Variants in MBNL3 observed in about 807,000 individuals in gnomAD.
MBNL3 encodes the protein muscleblind-like protein 3.
In MBNL3, 6 loss-of-function variants were observed where a neutral mutation model predicts 24.5. The ratio of observed to expected loss-of-function variants is 0.25; its 90% CI spans 0.13 to 0.48. The LOEUF is 0.48. MBNL3 is among the 20% of genes least tolerant of loss of function. The pLI, the probability that MBNL3 is intolerant of heterozygous loss-of-function variation, is 0.99. For synonymous variants in MBNL3, 100 were observed against 101.7 expected (o/e 0.98, Z 0.10); for missense variants, 230 against 293.5 (o/e 0.78, Z 1.58).
chrX:132,458,322 C>A (rs2148490839), intron 1 of MBNL3, among the ~76,000 whole-genome samples: 1 of 106,150 alleles, frequency 9.4e-6, no homozygotes, highest in Non-Finnish European at 1.9e-5. Flanking sequence ...AAAAAAAAAA[C>A]TTATGTGTAG....
intron 1 of MBNL3, among the ~76,000 whole-genome samples, chrX:132,447,765 T>G (rs996095034): frequency 8.9e-5 from 10 of 112,231 alleles, no homozygotes; most frequent in African/African-American, 3.2e-4. Flanking sequence ...CTGATTGCCC[T>G]GGCCAGAACT....
rs1292864774 is a variant in MBNL3, at chrX:132,372,385, G to GT, written c.*7280dup. 2 of 109,462 alleles carry GT rather than the reference G, an allele frequency of 1.8e-5. No individual in the cohort carries two copies. Among genetic ancestry groups the GT allele is most frequent in the Non-Finnish European group, 3.8e-5 (2 of 52,481 alleles). 9.0% of individuals were successfully genotyped at this position (109,462 alleles called of 1,213,427 possible). A position where few individuals can be genotyped will look rare whatever the true frequency, so the allele number is the denominator to read the frequency against. On this transcript the variant is annotated 3_prime_UTR_variant, in exon 9 of 9. Coordinates refer to ENST00000370853, the MANE Select transcript of MBNL3 (RefSeq NM_001386889.1). ...ATATATTTAGGAAAATCCTTCAAAA[G>GT]TTTTTTAATTTAAATCATTGTAATT...
chrX:132,451,989 T>C (rs776402892), intron 1 of MBNL3, among the ~76,000 whole-genome samples: 2 of 111,349 alleles, frequency 1.8e-5, no homozygotes, highest in South Asian at 7.8e-4. Context: ...TTGCCCTCCA[T>C]GGGCTGCACG....
intron 1 of MBNL3, among the ~76,000 whole-genome samples, chrX:132,443,229 C>G (rs1945482131): frequency 1.8e-5 from 2 of 111,865 alleles, no homozygotes; most frequent in Admixed American, 1.9e-4. Flanking sequence ...ACCCAAAACA[C>G]TGATGACTGA....
At chrX:132,422,127 A>ATATG (rs961758810) in intron 2 of MBNL3, among the ~76,000 whole-genome samples, 70 of 101,970 alleles carry the variant, frequency 6.9e-4, no homozygotes, top group Admixed American at 3.9e-3. Flanking sequence ...TGAATATACT[A>ATATG]TGTGTGTGTG....
chrX:132,475,064 T>C (rs1947366796), intron 1 of MBNL3, among the ~76,000 whole-genome samples: 1 of 112,012 alleles, frequency 8.9e-6, no homozygotes, highest in South Asian at 3.7e-4. Flanking sequence ...TCCTGGCCAC[T>C]CCTAGGGGTG....
chrX:132,413,034 A>C (rs1942942947), intron 2 of MBNL3, among the ~76,000 whole-genome samples: 1 of 112,732 alleles, frequency 8.9e-6, no homozygotes, highest in Admixed American at 9.3e-5. Context: ...TACTCTAAGA[A>C]ATAAAACACA....
intron 8 of MBNL3, among the ~76,000 whole-genome samples, chrX:132,380,822 A>C (rs1934781340): frequency 9.1e-6 from 1 of 110,234 alleles, no homozygotes; most frequent in African/African-American, 3.3e-5. Flanking sequence ...CAAAGAGGAG[A>C]TTGAGGGTGA....
chrX:132,381,316 T>G lies in MBNL3; in HGVS notation c.1053+862A>C, dbSNP rs937831833. 6.5e-5 allele frequency: 51 copies of G among 788,255 alleles called. 1 individual carries two copies. The African/African-American group carries it at 9.5e-4, about 15-fold the overall frequency. The allele number at this position is 788,255 out of a possible 1,213,427, so 65.0% of individuals were successfully genotyped here. A position where few individuals can be genotyped will look rare whatever the true frequency, so the allele number is the denominator to read the frequency against. The stretch of plus-strand genomic sequence containing the variant: ...AGTGCAATTGTGTAAATAAAATATG[T>G]AGCCTATAAATATTATTTATATTAA... On this transcript the variant is annotated intron_variant, in intron 8 of 8. Transcript: ENST00000370853.
At chrX:132,384,921 A>G (rs192855898) in intron 6 of MBNL3, among the ~76,000 whole-genome samples, 81 of 112,297 alleles carry the variant, frequency 7.2e-4, no homozygotes, top group Non-Finnish European at 1.3e-3. Flanking sequence ...AAAATCAGCT[A>G]TAATTTTTCT....
chrX:132,375,828 G>C lies in MBNL3; in HGVS notation c.*3838C>G, dbSNP rs1254798590. 1 of 111,543 alleles carries C rather than the reference G, an allele frequency of 9.0e-6. No individual in the cohort carries two copies. Among genetic ancestry groups the C allele is most frequent in the Non-Finnish European group, 1.9e-5 (1 of 52,979 alleles). 9.2% of individuals were successfully genotyped at this position (111,543 alleles called of 1,213,427 possible). Reference sequence around the variant, plus strand: ...CAGACTAAAGGAACTCGGAAAACTTGTGGCTGCATTTTACCTAAGAGCATC... The same window carrying C: ...CAGACTAAAGGAACTCGGAAAACTTCTGGCTGCATTTTACCTAAGAGCATC... On this transcript the variant is annotated 3_prime_UTR_variant, in exon 9 of 9. Coordinates refer to ENST00000370853, the MANE Select transcript of MBNL3 (RefSeq NM_001386889.1).
intron 2 of MBNL3, among the ~76,000 whole-genome samples, chrX:132,434,398 T>C (rs757459703): frequency 3.2e-4 from 36 of 112,287 alleles, no homozygotes; most frequent in African/African-American, 1.2e-3. Flanking sequence ...ATCTAGGACA[T>C]TGGGATGCCC....
At chrX:132,407,286 CA>C (rs769706036) in intron 2 of MBNL3, among the ~76,000 whole-genome samples, 48 of 112,004 alleles carry the variant, frequency 4.3e-4, no homozygotes, top group Non-Finnish European at 7.1e-4. Context: ...AGATGCATTG[CA>C]ACGGCTCTTT....
At chrX:132,474,184 G>A (rs1052767020) in intron 1 of MBNL3, among the ~76,000 whole-genome samples, 2 of 111,498 alleles carry the variant, frequency 1.8e-5, no homozygotes, top group African/African-American at 6.5e-5. Context: ...CAACATAAGG[G>A]AAGTAATGTC....
chrX:132,440,193 C>G lies in MBNL3; in HGVS notation c.-582G>C, dbSNP rs1043137172. 3.6e-5 allele frequency among the ~76,000 whole-genome samples: 4 copies of G among 110,351 alleles called. No homozygotes were observed. The highest frequency in any genetic ancestry group is 7.6e-5 in the Non-Finnish European group (4 of 52,836). On this transcript the variant is annotated 5_prime_UTR_variant, in exon 2 of 9. Transcript: ENST00000370853. ...CTGCTGACAGTAAACTACAAGCACA[C>G]CAGGTTCGGCGGGGAGGTGGAGAGG...
intron 7 of MBNL3, among the ~76,000 whole-genome samples, chrX:132,383,864 G>C (rs1258907681): frequency 8.9e-6 from 1 of 111,741 alleles, no homozygotes; most frequent in Non-Finnish European, 1.9e-5. Context: ...GATGTGAGAC[G>C]GTAGAGTGGG....
intron 3 of MBNL3, among the ~76,000 whole-genome samples, chrX:132,405,447 T>G (rs1012956999): frequency 2.7e-5 from 3 of 112,112 alleles, no homozygotes; most frequent in Non-Finnish European, 5.6e-5. Context: ...AGTTTCTTGC[T>G]TTTGACAAAT....
intron 1 of MBNL3, among the ~76,000 whole-genome samples, chrX:132,478,299 A>C (rs1776191584): frequency 9.0e-6 from 1 of 111,602 alleles, no homozygotes; most frequent in Non-Finnish European, 1.9e-5. Flanking sequence ...GTAAATACAT[A>C]ATATATAAAG....
rs1934169515 is a variant in MBNL3, at chrX:132,376,605, A to G, written c.*3061T>C. On this transcript the variant is annotated 3_prime_UTR_variant, in exon 9 of 9. Transcript: ENST00000370853. ...TACAAAGCTTATAAAATGTTAACTA[A>G]GAATCATAAGTGATTAGAATTTTAT... The G allele has an allele frequency of 8.9e-6, 1 of 111,735 alleles. No homozygotes were observed. Among genetic ancestry groups the G allele is most frequent in the Non-Finnish European group, 1.9e-5 (1 of 52,993 alleles). 9.2% of individuals were successfully genotyped at this position (111,735 alleles called of 1,213,427 possible). A position where few individuals can be genotyped will look rare whatever the true frequency, so the allele number is the denominator to read the frequency against.
Sources: allele counts gnomAD v4.1 joint callset (sites outside exome capture counted in the v4.1 genomes callset), GRCh38; gene constraint gnomAD v4.1.1; transcripts MANE v1.5; gene names NCBI Gene and HGNC (gene_info 2026-07-23, HGNC 2026-07-21).